ZNF835: variants seen among roughly 807,000 people sequenced by gnomAD.
The protein encoded by ZNF835 is zinc finger protein 835.
For synonymous variants in ZNF835, 323 were observed against 324.7 expected (o/e 0.99, Z 0.06); for missense variants, 783 against 758.4 (o/e 1.03, Z -0.38).
At position 56,663,727 on chromosome 19, in the gene ZNF835, C is replaced by T. The variant is rs372693430; in HGVS notation, c.1472G>A (p.Arg491Gln). The T allele has an allele frequency of 3.1e-6, 5 of 1,613,898 alleles. No individual in the cohort carries two copies. In the African/African-American group the frequency reaches 4.0e-5, roughly 13 times the overall value. ...ACTGTCTGCATGCGTCCTCTGGTGT[C>T]GGATGAGCGCGGAGGAGAAGCTGAA... ...KAFSFSSALIRHQRTHADSSG... is the reference protein window; with the variant it reads ...KAFSFSSALIQHQRTHADSSG... Residue 491 changes from arginine to glutamine, a missense_variant, in exon 2 of 2, where the codon CGA becomes CAA. Transcript: ENST00000537055.
rs544457050 is a variant in ZNF835 at position 56,663,712 on chromosome 19, T to C, written c.1487A>G (p.His496Arg). Reference sequence around the variant, plus strand: ...GCAAAGGCGTCCCGAACTGTCTGCATGCGTCCTCTGGTGTCGGATGAGCGC... The same window carrying C: ...GCAAAGGCGTCCCGAACTGTCTGCACGCGTCCTCTGGTGTCGGATGAGCGC... ...SSALIRHQRT[H>R]ADSSGRLCPA... The change falls in exon 2 of 2, where the codon CAT becomes CGT. Residue 496 changes from histidine (H) to arginine (R), a missense_variant. Transcript: ENST00000537055. 1.2e-6 allele frequency: 2 copies of C among 1,614,022 alleles called. No individual in the cohort carries two copies. Among genetic ancestry groups the C allele is most frequent in the East Asian group, 4.5e-5 (2 of 44,890 alleles).
rs752573220 is a variant in ZNF835 at position 56,664,374 on chromosome 19, CT to C, written c.824del (p.Glu275GlyfsTer19). 1 of 1,610,270 alleles carries C rather than the reference CT, an allele frequency of 6.2e-7. No homozygotes were observed. The highest frequency in any genetic ancestry group is 1.1e-5 in the South Asian group (1 of 90,830). On this transcript the variant is annotated frameshift_variant, in exon 2 of 2. Coordinates refer to ENST00000537055, the MANE Select transcript of ZNF835 (RefSeq NM_001005850.3). LOFTEE classifies it low-confidence loss of function (END_TRUNC). ...CGCACTGGCCGCAGCGGTAGGGCTT[CT>C]CCTCCGTGTGGATGCGCTGGTGGCG... ...LIRHQRIHTE[E>X]KPYRCGQCAK...
chr19:56,663,340 A>C lies in ZNF835; in HGVS notation c.*245T>G. 1 of 573,302 alleles carries C rather than the reference A, an allele frequency of 1.7e-6. No individual in the cohort carries two copies. Among genetic ancestry groups the C allele is most frequent in the Non-Finnish European group, 3.1e-6 (1 of 325,730 alleles). The allele number at this position is 573,302 out of a possible 1,614,324, so 35.5% of individuals were successfully genotyped here. On this transcript the variant is annotated 3_prime_UTR_variant, in exon 2 of 2. Coordinates refer to ENST00000537055, the MANE Select transcript of ZNF835 (RefSeq NM_001005850.3). ...TCTCAAAGAAAAAAAGAAAGAAATTAAAGGCCAGCCATAGGTGTTTCTGCA... is the reference window on the plus strand; with the variant it reads ...TCTCAAAGAAAAAAAGAAAGAAATTCAAGGCCAGCCATAGGTGTTTCTGCA...
At chr19:56,668,931 G>A (rs73053224) in intron 1 of ZNF835, among the ~76,000 whole-genome samples, 11,811 of 152,014 alleles carry the variant, frequency 0.078, 521 homozygotes, top group Middle Eastern at 0.099. Context: ...GGTTCACAGC[G>A]GGGTTGGGTA....
chr19:56,664,611 G>T lies in ZNF835; in HGVS notation c.588C>A (p.Cys196Ter), dbSNP rs376712708. 27 of 1,605,676 alleles carry T rather than the reference G, an allele frequency of 1.7e-5. No homozygotes were observed. The African/African-American group carries it at 3.1e-4, about 18-fold the overall frequency. Residue 196 changes from cysteine (C) to a stop codon, truncating the protein, a stop_gained, in exon 2 of 2, where the codon TGC becomes TGA. Transcript: ENST00000537055. LOFTEE classifies it low-confidence loss of function (END_TRUNC). ...RTHTGEKPHR[C>*]ADCGKAFTRV... ...GCGTGAAGGCCTTGCCGCAGTCGGC[G>T]CAGCGGTGCGGCTTCTCGCCCGTGT...
chr19:56,667,856 G>C (rs774078966), intron 1 of ZNF835, among the ~76,000 whole-genome samples: 1 of 152,170 alleles, frequency 6.6e-6, no homozygotes, highest in Non-Finnish European at 1.5e-5. Flanking sequence ...ACAACAAGAG[G>C]GCCCGGTCTA....
intron 1 of ZNF835, 27 bp from the exon 2 acceptor site, chr19:56,665,272 A>T (rs1600631315): frequency 1.9e-6 from 3 of 1,585,540 alleles, no homozygotes; most frequent in East Asian, 4.5e-5. Context: ...AGAAAAAAAA[A>T]TTAAATGTTG....
rs1315387209 is a variant in ZNF835, at chr19:56,663,988, G to T, written c.1211C>A (p.Ser404Ter). The change falls in exon 2 of 2, where the codon TCG becomes TAG. Residue 404 changes from serine to a stop codon, truncating the protein, a stop_gained. Transcript: ENST00000537055. LOFTEE classifies it low-confidence loss of function (END_TRUNC). ...GTGGATCTTCTGGTGCTCTATAAGC[G>T]AGGACACGTGGCTGAAGGCGGCCCC... Reference protein sequence around the residue: ...QCGAAFSHVSSLIEHQKIHTG... With the variant: ...QCGAAFSHVS 6 of 1,610,926 alleles carry T rather than the reference G, an allele frequency of 3.7e-6. No individual in the cohort carries two copies. The African/African-American group carries it at 8.1e-5, about 22-fold the overall frequency.
intron 1 of ZNF835, among the ~76,000 whole-genome samples, chr19:56,668,364 CTTT>C (rs10604506): frequency 0.01 from 1,214 of 116,992 alleles, 13 homozygotes; most frequent in African/African-American, 0.035. Flanking sequence ...TAAAATAGGG[CTTT>C]TTTTTTTTTT....
chr19:56,665,349 G>T, intron 1 of ZNF835, 104 bp from the exon 2 acceptor site: 1 of 1,035,148 alleles, frequency 9.7e-7, no homozygotes, highest in South Asian at 1.3e-5. Context: ...GGGGTCCCTG[G>T]ACCTCTGTGC....
At position 56,664,050 on chromosome 19, in the gene ZNF835, C is replaced by A; in HGVS notation, c.1149G>T (p.Val383=). Residue 383 remains valine, a synonymous_variant, in exon 2 of 2, where the codon GTG becomes GTT. Transcript: ENST00000537055. ...ACCTGTAGGGCCGCTCACCGGTGTG[C>A]ACGAGGCGGTGCTGGAGGAGGTGGG... The part of the protein sequence containing the change: ...NRSHLLQHRL[V]HTGERPYRCL... 6.2e-7 allele frequency: 1 copy of A among 1,611,356 alleles called. No individual in the cohort carries two copies. The highest frequency in any genetic ancestry group is 8.5e-7 in the Non-Finnish European group (1 of 1,179,198).
intron 1 of ZNF835, chr19:56,665,536 C>A: frequency 1.8e-6 from 1 of 553,430 alleles, no homozygotes; most frequent in Non-Finnish European, 3.5e-6. Context: ...TGCCTGCAAT[C>A]CCAGCACTTT....
rs765931000 is a variant in ZNF835, at chr19:56,664,086, G to T, written c.1113C>A (p.Phe371Leu). Residue 371 changes from phenylalanine (F) to leucine (L), a missense_variant, in exon 2 of 2, where the codon TTC (phenylalanine) becomes TTA (leucine). By Grantham distance (22) the Phe-to-Leu change is conservative. Coordinates refer to ENST00000537055, the MANE Select transcript of ZNF835 (RefSeq NM_001005850.3). The stretch of plus-strand genomic sequence containing the variant: ...GCTGGAGGAGGTGGGAGCGGTTGCT[G>T]AAGCGCTTGCCGCAGTCGTGGCAGG... ...PYPCHDCGKR[F>L]SNRSHLLQHR... 1 of 1,600,106 alleles carries T rather than the reference G, an allele frequency of 6.2e-7. No individual in the cohort carries two copies. The highest frequency in any genetic ancestry group is 8.5e-7 in the Non-Finnish European group (1 of 1,170,652).
At position 56,664,186 on chromosome 19, in the gene ZNF835, T is replaced by C; in HGVS notation, c.1013A>G (p.Gln338Arg). 2 of 1,610,444 alleles carry C rather than the reference T, an allele frequency of 1.2e-6. No individual in the cohort carries two copies. Among genetic ancestry groups the C allele is most frequent in the Non-Finnish European group, 1.7e-6 (2 of 1,178,794 alleles). Residue 338 changes from glutamine (Q) to arginine (R), a missense_variant, in exon 2 of 2, where the codon CAG becomes CGG. Physicochemically the swap from Gln to Arg is conservative, Grantham distance 43. Coordinates refer to ENST00000537055, the MANE Select transcript of ZNF835 (RefSeq NM_001005850.3). ...HTGEKPYACG[Q>R]CAKAFTQVSH... ...CACCTGGGTGAAGGCCTTGGCGCAC[T>C]GGCCGCACGCGTAGGGCTTCTCGCC...
chr19:56,664,875 C>T lies in ZNF835; in HGVS notation c.324G>A (p.Lys108=). 6.2e-7 allele frequency: 1 copy of T among 1,613,884 alleles called. No individual in the cohort carries two copies. The highest frequency in any genetic ancestry group is 2.2e-5 in the East Asian group (1 of 44,878). ...TCCCGCAGTCCCCGCATTTCCACGGCTTCTTGGGGCCTCCACCTCTCTCCC... is the reference window on the plus strand; with the variant it reads ...TCCCGCAGTCCCCGCATTTCCACGGTTTCTTGGGGCCTCCACCTCTCTCCC... ...RQRERGGGPK[K]PWKCGDCGKA... is the part of the protein sequence containing the mutation. Residue 108 remains lysine, a synonymous_variant, in exon 2 of 2, where the codon AAG becomes AAA. Transcript: ENST00000537055.
chr19:56,666,122 ATTT>A (rs947209663), intron 1 of ZNF835, among the ~76,000 whole-genome samples: 1 of 149,660 alleles, frequency 6.7e-6, no homozygotes, highest in Non-Finnish European at 1.5e-5. Flanking sequence ...GGACTGTTTT[ATTT>A]TTTTTTTGAC....
chr19:56,664,734 C>G lies in ZNF835; in HGVS notation c.465G>C (p.Leu155=). The change falls in exon 2 of 2, where the codon CTG becomes CTC. Residue 155 remains leucine (L), a synonymous_variant. Transcript: ENST00000537055. The part of the protein sequence containing the change: ...KAFSQSVHLT[L]HQRTHTGEKP... ...TCTCGCCCGTGTGCGTGCGCTGGTGCAGGGTCAGGTGCACGCTCTGGCTGA... is the reference window on the plus strand; with the variant it reads ...TCTCGCCCGTGTGCGTGCGCTGGTGGAGGGTCAGGTGCACGCTCTGGCTGA... 1 of 1,611,434 alleles carries G rather than the reference C, an allele frequency of 6.2e-7. No homozygotes were observed. Among genetic ancestry groups the G allele is most frequent in the Non-Finnish European group, 8.5e-7 (1 of 1,178,498 alleles).
In ZNF835 at chr19:56,671,740, G is replaced by C. The variant is rs1422644805; in HGVS notation, c.-212C>G. On this transcript the variant is annotated 5_prime_UTR_variant, in exon 1 of 2. Transcript: ENST00000537055. ...TAAGGTCAAGACTTCTGCTGCTGCG[G>C]AGGAGCCCGCGCACCAGGCCGGGGT... The C allele has an allele frequency of 6.6e-6, 1 of 152,302 alleles. No individual in the cohort carries two copies. The highest frequency in any genetic ancestry group is 2.4e-5 in the African/African-American group (1 of 41,464). 9.4% of individuals were successfully genotyped at this position (152,302 alleles called of 1,614,324 possible). A position where few individuals can be genotyped will look rare whatever the true frequency, so the allele number is the denominator to read the frequency against.
rs1021918711 is a variant in ZNF835, at chr19:56,663,529, G to T, written c.*56C>A. ...CGGTTTCCTCACAGGAAGCGTCGGG[G>T]ATAACACAGTATCTCCCCCATAGCA... On this transcript the variant is annotated 3_prime_UTR_variant, in exon 2 of 2. Coordinates refer to ENST00000537055, the MANE Select transcript of ZNF835 (RefSeq NM_001005850.3). The T allele has an allele frequency of 3.1e-6, 5 of 1,606,158 alleles. No homozygotes were observed. Among genetic ancestry groups the T allele is most frequent in the Non-Finnish European group, 4.2e-6 (5 of 1,176,668 alleles).
Sources: allele counts gnomAD v4.1 joint callset (sites outside exome capture counted in the v4.1 genomes callset), GRCh38; gene constraint gnomAD v4.1.1; transcripts MANE v1.5; gene names NCBI Gene and HGNC (gene_info 2026-07-23, HGNC 2026-07-21).